Variants in DLG2 observed in about 807,000 individuals in gnomAD.
DLG2 encodes discs large MAGUK scaffold protein 2, also known as disks large homolog 2.
A neutral mutation model predicts 132.5 loss-of-function variants in DLG2; 45 were observed. The observed-to-expected ratio is 0.34, with a 90% confidence interval of 0.27 to 0.44. The LOEUF (loss-of-function observed/expected upper bound fraction) is 0.44. Ranked by LOEUF, DLG2 falls within the 20% of genes least tolerant of loss-of-function variation. DLG2 has a pLI of 1.00. For synonymous variants in DLG2, 424 were observed against 419.6 expected (o/e 1.01, Z -0.13); for missense variants, 1,045 against 1,196.9 (o/e 0.87, Z 1.87).
intron 8 of DLG2, among the ~76,000 whole-genome samples, chr11:84,239,452 G>C (rs777186216): frequency 1.3e-5 from 2 of 152,118 alleles, no homozygotes; most frequent in African/African-American, 4.8e-5. Flanking sequence ...AAAGTGCTGG[G>C]ATTACAGGCA....
At chr11:83,563,686 G>A (rs1438368867) in intron 19 of DLG2, among the ~76,000 whole-genome samples, 1 of 152,170 alleles carries the variant, frequency 6.6e-6, no homozygotes, top group East Asian at 1.9e-4. Flanking sequence ...CAAGGGAGTA[G>A]GGTGAAAAAC....
chr11:85,019,047 T>A (rs1358600439), intron 6 of DLG2, among the ~76,000 whole-genome samples: 1 of 152,208 alleles, frequency 6.6e-6, no homozygotes, highest in Non-Finnish European at 1.5e-5. Flanking sequence ...TACTTGTAAC[T>A]CAAAGCTGCT....
At chr11:84,532,117 ATTTTTTTTTTTT>A (rs67139617) in intron 7 of DLG2, among the ~76,000 whole-genome samples, 14 of 104,584 alleles carry the variant, frequency 1.3e-4, no homozygotes, top group Non-Finnish European at 2.5e-4. Flanking sequence ...TGTTCTGTTC[ATTTTTTTTTTTT>A]TTTTTTTTTT....
chr11:84,727,419 T>A (rs1340246626), intron 6 of DLG2, among the ~76,000 whole-genome samples: 1 of 152,144 alleles, frequency 6.6e-6, no homozygotes, highest in African/African-American at 2.4e-5. Flanking sequence ...GGTGGTGTTA[T>A]GTCTGAGGCC....
chr11:83,473,465 G>A (rs1457906606), intron 22 of DLG2, among the ~76,000 whole-genome samples: 2 of 152,068 alleles, frequency 1.3e-5, no homozygotes, highest in East Asian at 1.9e-4. Context: ...GACTCAGGGT[G>A]GACCTCAAGT....
intron 18 of DLG2, among the ~76,000 whole-genome samples, chr11:83,726,036 A>G (rs1214500417): frequency 6.6e-6 from 1 of 152,182 alleles, no homozygotes; most frequent in Non-Finnish European, 1.5e-5. Context: ...TATGAGGGAA[A>G]AAAAAGTCCC....
chr11:85,064,398 C>T (rs962067478), intron 6 of DLG2, among the ~76,000 whole-genome samples: 16 of 151,732 alleles, frequency 1.1e-4, no homozygotes, highest in African/African-American at 3.9e-4. Flanking sequence ...ACTCCTTGTT[C>T]TCCTTTTCCT....
intron 6 of DLG2, among the ~76,000 whole-genome samples, chr11:84,595,623 C>T (rs1352708957): frequency 2.0e-5 from 3 of 152,116 alleles, no homozygotes; most frequent in African/African-American, 7.2e-5. Context: ...GGAGAAAACA[C>T]AATCTTGCTC....
At chr11:85,201,357 T>C (rs1372515424) in intron 4 of DLG2, among the ~76,000 whole-genome samples, 2 of 152,130 alleles carry the variant, frequency 1.3e-5, no homozygotes, top group Non-Finnish European at 2.9e-5. Context: ...CTTGCTACAG[T>C]TGAAGACCCA....
chr11:84,977,137 A>AGGGGTGT (rs2055019600), intron 6 of DLG2, among the ~76,000 whole-genome samples: 2 of 152,150 alleles, frequency 1.3e-5, no homozygotes, highest in African/African-American at 2.4e-5. Flanking sequence ...AGTCACTCCA[A>AGGGGTGT]GGGGTGTATG....
intron 3 of DLG2, among the ~76,000 whole-genome samples, chr11:85,440,629 ATG>A (rs965806275): frequency 6.6e-6 from 1 of 152,226 alleles, no homozygotes; most frequent in Admixed American, 6.5e-5. Flanking sequence ...ATTCCTAAAA[ATG>A]TGTGTCTCTC....
chr11:85,495,790 C>G lies in DLG2; in HGVS notation c.40+102867G>C, dbSNP rs1024563974. On this transcript the variant is annotated intron_variant, in intron 3 of 27. Coordinates refer to ENST00000376104, the MANE Select transcript of DLG2 (RefSeq NM_001142699.3). ...GCAATTCCATTACTGGGTATATACC[C>G]AAAGTATTATAAATCATTCTATTAT... 2.6e-5 allele frequency among the ~76,000 whole-genome samples: 4 copies of G among 152,084 alleles called. No individual in the cohort carries two copies. In the South Asian group the frequency reaches 8.3e-4, roughly 31 times the overall value.
chr11:85,466,539 T>C (rs1278189346), intron 3 of DLG2, among the ~76,000 whole-genome samples: 1 of 152,186 alleles, frequency 6.6e-6, no homozygotes, highest in Non-Finnish European at 1.5e-5. Context: ...GCTAGCCAGT[T>C]TTCCCAGCAC....
At chr11:83,872,652 A>G (rs551794139) in intron 16 of DLG2, among the ~76,000 whole-genome samples, 1 of 152,306 alleles carries the variant, frequency 6.6e-6, no homozygotes, top group Admixed American at 6.5e-5. Context: ...GTGGAAATTG[A>G]AAAATATTCT....
intron 18 of DLG2, among the ~76,000 whole-genome samples, chr11:83,643,170 T>A (rs1207834250): frequency 1.3e-5 from 2 of 152,018 alleles, no homozygotes; most frequent in Non-Finnish European, 1.5e-5. Flanking sequence ...TGCAGTTTTT[T>A]AAAAATATCC....
chr11:84,537,397 C>T (rs2099358235), intron 6 of DLG2, among the ~76,000 whole-genome samples: 1 of 152,138 alleles, frequency 6.6e-6, no homozygotes, highest in South Asian at 2.1e-4. Context: ...TGAGCCACCG[C>T]ACCCAGCCCT....
chr11:85,224,282 A>T (rs2074844873), intron 4 of DLG2, among the ~76,000 whole-genome samples: 1 of 152,136 alleles, frequency 6.6e-6, no homozygotes, highest in Non-Finnish European at 1.5e-5. Flanking sequence ...AGAAAGAATA[A>T]TTTTTGAGTT....
At chr11:83,562,688 A>G (rs1012459136) in intron 19 of DLG2, among the ~76,000 whole-genome samples, 1 of 152,192 alleles carries the variant, frequency 6.6e-6, no homozygotes, top group Non-Finnish European at 1.5e-5. Context: ...CTGTGTTTTC[A>G]GTATATTGAA....
At chr11:84,223,754 G>A (rs1033489666) in intron 8 of DLG2, among the ~76,000 whole-genome samples, 7 of 151,976 alleles carry the variant, frequency 4.6e-5, no homozygotes, top group African/African-American at 1.5e-4. Context: ...ATGGGGTTTC[G>A]GCATGTTGGC....
Sources: gnomAD v4.1 joint callset for allele counts (sites outside exome capture counted in the v4.1 genomes callset) on GRCh38, gnomAD v4.1.1 for gene constraint, MANE v1.5 for transcripts, NCBI Gene and HGNC (gene_info 2026-07-23, HGNC 2026-07-21) for gene names.